ANKRD36: variants seen among roughly 807,000 people sequenced by gnomAD.
ANKRD36 encodes ankyrin repeat domain 36.
In ANKRD36, 179 loss-of-function variants were observed where a neutral mutation model predicts 278.1. That is an observed-to-expected ratio of 0.64 (90% CI 0.57 to 0.73). The LOEUF (loss-of-function observed/expected upper bound fraction) is 0.73, where lower values mean the gene tolerates loss of function less well. ANKRD36 is among the 30% of genes least tolerant of loss of function. The pLI, the probability that ANKRD36 is intolerant of heterozygous loss-of-function variation, is 0.00. For missense variants in ANKRD36, 1,159 were observed against 1,956.7 expected (o/e 0.59, Z 7.69); for synonymous variants, 320 against 641.1 (o/e 0.50, Z 7.57).
At chr2:97,200,301 T>A (rs767674351) in intron 44 of ANKRD36, 33 bp from the exon 45 acceptor site, 6 of 1,607,110 alleles carry the variant, frequency 3.7e-6, no homozygotes, top group Non-Finnish European at 5.1e-6. Flanking sequence ...CATGTTTACA[T>A]GTGAGTGATT....
chr2:97,115,131 TGCCTTTGCACCAATCTA>T (rs981093829), intron 1 of ANKRD36, among the ~76,000 whole-genome samples: 8 of 152,226 alleles, frequency 5.3e-5, no homozygotes, highest in African/African-American at 1.7e-4. Context: ...AAGCCGCAAT[TGCCTTTGCACCAATCTA>T]ATAGAATTGG....
chr2:97,202,612 A>G (rs2061696851), intron 48 of ANKRD36, among the ~76,000 whole-genome samples: 1 of 151,838 alleles, frequency 6.6e-6, no homozygotes, highest in African/African-American at 2.4e-5. Context: ...GAAGTTGGGA[A>G]GAATATACAT....
At chr2:97,195,852 G>T (rs537508401) in intron 40 of ANKRD36, among the ~76,000 whole-genome samples, 6 of 152,032 alleles carry the variant, frequency 3.9e-5, no homozygotes, top group African/African-American at 1.4e-4. Flanking sequence ...TCTAATGGTT[G>T]TGGCAGTTTT....
intron 4 of ANKRD36, among the ~76,000 whole-genome samples, chr2:97,123,808 A>G (rs910624002): frequency 1.2e-4 from 17 of 145,010 alleles, no homozygotes; most frequent in African/African-American, 3.8e-4. Flanking sequence ...TAGATAATAT[A>G]TAATACACTA....
intron 40 of ANKRD36, 65 bp downstream of exon 40, chr2:97,194,982 A>G: frequency 6.6e-7 from 1 of 1,526,714 alleles, no homozygotes; most frequent in Non-Finnish European, 8.8e-7. Flanking sequence ...TCCCCGAATA[A>G]ATCAGTGGGG....
intron 75 of ANKRD36, among the ~76,000 whole-genome samples, chr2:97,258,785 G>C (rs1308866012): frequency 6.8e-5 from 8 of 117,660 alleles, no homozygotes; most frequent in African/African-American, 2.4e-4. Context: ...TTTTTTTGCT[G>C]TTTTCAGTAT....
intron 75 of ANKRD36, among the ~76,000 whole-genome samples, chr2:97,260,640 C>T (rs1035677977): frequency 8.8e-6 from 1 of 113,806 alleles, no homozygotes; most frequent in African/African-American, 3.7e-5. Context: ...CTGCATTAGC[C>T]AGTACATAAA....
chr2:97,145,253 T>C (rs377554693), intron 10 of ANKRD36, among the ~76,000 whole-genome samples: 1 of 151,794 alleles, frequency 6.6e-6, no homozygotes, highest in East Asian at 1.9e-4. Flanking sequence ...GGGAACTCAC[T>C]TCAGATGTGT....
intron 24 of ANKRD36, 59 bp from the exon 25 acceptor site, chr2:97,181,539 G>T: frequency 6.3e-7 from 1 of 1,599,226 alleles, no homozygotes; most frequent in Non-Finnish European, 8.5e-7. Context: ...CTGCATGAAT[G>T]TATGGATAAA....
rs554451140 is a variant in ANKRD36, at chr2:97,179,155, T to C, written c.1634-583T>C. 3.3e-5 allele frequency among the ~76,000 whole-genome samples: 5 copies of C among 151,674 alleles called. No homozygotes were observed. In the South Asian group the frequency reaches 1.1e-3, roughly 32 times the overall value. On this transcript the variant is annotated intron_variant, in intron 22 of 75. Transcript: ENST00000420699. Reference sequence around the variant, plus strand: ...GATGTAGGCACATTATTACATCATATGGGTGTGAGAAATAATGAATATTAC... The same window carrying C: ...GATGTAGGCACATTATTACATCATACGGGTGTGAGAAATAATGAATATTAC...
chr2:97,170,974 A>C (rs1172762336), intron 22 of ANKRD36, among the ~76,000 whole-genome samples: 1 of 151,604 alleles, frequency 6.6e-6, no homozygotes, highest in East Asian at 1.9e-4. Flanking sequence ...TGGCCATCAG[A>C]GAAATGCAAA....
chr2:97,191,756 T>G (rs1558629293), intron 36 of ANKRD36, among the ~76,000 whole-genome samples: 1 of 151,660 alleles, frequency 6.6e-6, no homozygotes, highest in African/African-American at 2.4e-5. Flanking sequence ...ATAAAACATA[T>G]TTGATTTTGG....
intron 40 of ANKRD36, 138 bp downstream of exon 40, chr2:97,195,055 T>C: frequency 7.6e-7 from 1 of 1,320,060 alleles, no homozygotes; most frequent in East Asian, 2.5e-5. Context: ...TAATAAGTTC[T>C]TGGGTTATGC....
chr2:97,185,237 G>A, intron 28 of ANKRD36, 79 bp from the exon 29 acceptor site: 1 of 1,545,312 alleles, frequency 6.5e-7, no homozygotes, highest in East Asian at 2.3e-5. Context: ...CATACAGCTT[G>A]ATGCTAACAC....
At position 97,113,483 on chromosome 2, in the gene ANKRD36, C is replaced by A; in HGVS notation, c.-257C>A. ...CCTCCCGCGGCACCTCCGCAGCAACCGCCGCCTGCACTGGGCGCGCGAGAG... is the reference window on the plus strand; with the variant it reads ...CCTCCCGCGGCACCTCCGCAGCAACAGCCGCCTGCACTGGGCGCGCGAGAG... On this transcript the variant is annotated 5_prime_UTR_variant, in exon 1 of 76. Transcript: ENST00000420699. The A allele has an allele frequency of 1.9e-6, 1 of 518,116 alleles. No homozygotes were observed. Among genetic ancestry groups the A allele is most frequent in the East Asian group, 4.0e-5 (1 of 25,270 alleles). 32.1% of individuals were successfully genotyped at this position (518,116 alleles called of 1,614,324 possible).
rs2923970 is a variant in ANKRD36, at chr2:97,134,387, C to G, written c.799+7253C>G. Among the ~76,000 whole-genome samples, 188 of 152,184 alleles carry G rather than the reference C, an allele frequency of 1.2e-3. 2 individuals carry two copies. Among genetic ancestry groups the G allele is most frequent in the Middle Eastern group, 3.4e-3 (1 of 294 alleles). On this transcript the variant is annotated intron_variant, in intron 6 of 75. Transcript: ENST00000420699. ...ACACAGCACTAACTGGATCATCCTT[C>G]TCTGTGAGATGGGTCCAGATAGACT...
Position 97,211,696 on chromosome 2 carries a change from C to T in ANKRD36, c.3424C>T (p.Pro1142Ser). The change falls in exon 58 of 76, where the codon CCG becomes TCG. Residue 1142 changes from proline to serine, a missense_variant. Physicochemically the swap from Pro to Ser is moderately conservative, Grantham distance 74. Coordinates refer to ENST00000420699, the MANE Select transcript of ANKRD36 (RefSeq NM_001354587.1). ...KAICDKEDSV[P>S]NMATEKKDEQ... ...TATCTGTGACAAGGAAGATTCTGTT[C>T]CGAATATGGCCACGGAAAAAAAGGA... 1.3e-6 allele frequency: 2 copies of T among 1,594,626 alleles called. No homozygotes were observed. The highest frequency in any genetic ancestry group is 1.7e-6 in the Non-Finnish European group (2 of 1,171,770).
In ANKRD36 at chr2:97,206,071, T is replaced by C. The variant is rs1324143178; in HGVS notation, c.3099T>C (p.Ser1033=). ...SQKPPTLKAT[S]DEEDSVLSIA... ...TTTCAAATTCCATTCAGGCTACAAG[T>C]GATGAGGAAGATTCTGTTTTGAGTA... The change falls in exon 52 of 76, where the codon AGT becomes AGC. Residue 1033 remains serine (S), a synonymous_variant. Coordinates refer to ENST00000420699, the MANE Select transcript of ANKRD36 (RefSeq NM_001354587.1). 1.3e-6 allele frequency: 2 copies of C among 1,551,004 alleles called. No homozygotes were observed. The highest frequency in any genetic ancestry group is 1.7e-6 in the Non-Finnish European group (2 of 1,149,476).
chr2:97,210,053 G>A (rs1000310315), intron 56 of ANKRD36, among the ~76,000 whole-genome samples, 181 bp downstream of exon 56: 9 of 151,922 alleles, frequency 5.9e-5, no homozygotes, highest in South Asian at 4.2e-4. Flanking sequence ...CATGATCTTC[G>A]CTCTAAGATT....
Sources: allele counts gnomAD v4.1 joint callset (sites outside exome capture counted in the v4.1 genomes callset), GRCh38; gene constraint gnomAD v4.1.1; transcripts MANE v1.5; gene names NCBI Gene and HGNC (gene_info 2026-07-23, HGNC 2026-07-21).